The following TRIO variants were observed in gnomAD, a reference collection of about 807,000 sequenced individuals.
TRIO encodes the protein triple functional domain protein.
Under a neutral mutation model 351.9 loss-of-function variants are expected in TRIO, and 58 were observed. The ratio of observed to expected loss-of-function variants is 0.16; its 90% CI spans 0.13 to 0.21. The LOEUF (loss-of-function observed/expected upper bound fraction) is 0.21, where lower values mean the gene tolerates loss of function less well. TRIO is among the 10% of genes least tolerant of loss of function. The pLI, the probability that TRIO is intolerant of heterozygous loss-of-function variation, is 1.00. For synonymous variants in TRIO, 1,758 were observed against 1,595.7 expected, an observed-to-expected ratio of 1.10 and a Z score of -2.42; for missense variants, 3,201 against 4,027.8, an observed-to-expected ratio of 0.79 and a Z score of 5.56.
intron 1 of TRIO, among the ~76,000 whole-genome samples, chr5:14,145,612 T>A (rs1787468002): frequency 6.6e-6 from 1 of 152,074 alleles, no homozygotes; most frequent in South Asian, 2.1e-4. Context: ...TAGCTTTCTC[T>A]CTACCTACCT....
In TRIO at chr5:14,329,399, C is replaced by T. The variant is rs143360173; in HGVS notation, c.1732-1379C>T. 4.5e-3 allele frequency among the ~76,000 whole-genome samples: 688 copies of T among 152,320 alleles called. 8 individuals are homozygous for T. Among genetic ancestry groups the T allele is most frequent in the African/African-American group, 0.016 (662 of 41,568 alleles). ...TTCACCCTTGTGAATAGCATTAGTG[C>T]CCTTATAAAAGAGGCCTGAGAGAGC... On this transcript the variant is annotated intron_variant, in intron 9 of 56. Transcript: ENST00000344204.
At chr5:14,163,292 T>G (rs1300461080) in intron 1 of TRIO, among the ~76,000 whole-genome samples, 1 of 152,222 alleles carries the variant, frequency 6.6e-6, no homozygotes, top group Non-Finnish European at 1.5e-5. Context: ...GTTCCTGTGT[T>G]AGTTTGCCAA....
At chr5:14,481,091 C>T in intron 43 of TRIO, 143 bp from the exon 44 acceptor site, 1 of 837,266 alleles carries the variant, frequency 1.2e-6, no homozygotes, top group Non-Finnish European at 1.8e-6. Context: ...CTCAGGAGGC[C>T]AAAGCAAGAG....
chr5:14,450,196 C>T (rs1752753996), intron 34 of TRIO, among the ~76,000 whole-genome samples: 1 of 152,182 alleles, frequency 6.6e-6, no homozygotes, highest in African/African-American at 2.4e-5. Flanking sequence ...ACTCCTCACT[C>T]TTGAGTGGTG....
intron 16 of TRIO, 30 bp downstream of exon 16, chr5:14,367,009 G>A: frequency 6.2e-7 from 1 of 1,612,598 alleles, no homozygotes; most frequent in South Asian, 1.1e-5. Flanking sequence ...CTGTGTGTTG[G>A]CTCTTTCATT....
At chr5:14,393,628 T>C (rs1747306904) in intron 27 of TRIO, among the ~76,000 whole-genome samples, 1 of 152,214 alleles carries the variant, frequency 6.6e-6, no homozygotes, top group Non-Finnish European at 1.5e-5. Flanking sequence ...TCTTAGGTGC[T>C]AGTGTAAAGT....
intron 8 of TRIO, among the ~76,000 whole-genome samples, chr5:14,305,836 G>A (rs1263866429): frequency 1.3e-5 from 2 of 152,216 alleles, no homozygotes; most frequent in African/African-American, 2.4e-5. Flanking sequence ...CTGCAAATAA[G>A]ACAGTGGTCC....
At chr5:14,246,353 T>C (rs1474650290) in intron 1 of TRIO, among the ~76,000 whole-genome samples, 1 of 152,194 alleles carries the variant, frequency 6.6e-6, no homozygotes, top group African/African-American at 2.4e-5. Context: ...TTTGTGGAAC[T>C]TCGTTAATAT....
chr5:14,454,612 G>A (rs978637112), intron 34 of TRIO, among the ~76,000 whole-genome samples: 1 of 152,166 alleles, frequency 6.6e-6, no homozygotes, highest in African/African-American at 2.4e-5. Flanking sequence ...CATTTATTCA[G>A]TGTATACTCA....
At position 14,406,642 on chromosome 5, in the gene TRIO, G is replaced by T; in HGVS notation, c.4929G>T (p.Arg1643=). 1 of 1,614,018 alleles carries T rather than the reference G, an allele frequency of 6.2e-7. No homozygotes were observed. The highest frequency in any genetic ancestry group is 8.5e-7 in the Non-Finnish European group (1 of 1,179,944). ...CTGATACGATTTCCATCGCCTCACG[G>T]ACGTCTCAGAACACGCTGGACAGCG... The part of the protein sequence containing the change: ...SQPDTISIAS[R]TSQNTLDSDK... The change falls in exon 33 of 57, where the codon CGG becomes CGT. Residue 1643 remains arginine, a synonymous_variant. Coordinates refer to ENST00000344204, the MANE Select transcript of TRIO (RefSeq NM_007118.4).
intron 37 of TRIO, among the ~76,000 whole-genome samples, chr5:14,466,627 C>G (rs1335042410): frequency 6.6e-6 from 1 of 152,208 alleles, no homozygotes. Flanking sequence ...AAGACAACGT[C>G]TTTTAAAAGC....
chr5:14,293,239 G>A, intron 6 of TRIO, 105 bp downstream of exon 6: 2 of 1,493,270 alleles, frequency 1.3e-6, no homozygotes, highest in Non-Finnish European at 1.8e-6. Context: ...CTTCGGAGTG[G>A]CTGTTGATTG....
intron 27 of TRIO, among the ~76,000 whole-genome samples, chr5:14,391,722 A>G (rs1261139365): frequency 6.6e-6 from 1 of 152,222 alleles, no homozygotes; most frequent in Non-Finnish European, 1.5e-5. Flanking sequence ...GGTTGTGAGG[A>G]TGTTGGACTT....
intron 33 of TRIO, among the ~76,000 whole-genome samples, chr5:14,408,534 C>T (rs1748913708): frequency 1.3e-5 from 2 of 152,156 alleles, no homozygotes; most frequent in South Asian, 4.1e-4. Flanking sequence ...TGCCTGATAG[C>T]ATTTCTCTCC....
chr5:14,254,953 G>A (rs1234053818), intron 1 of TRIO, among the ~76,000 whole-genome samples: 2 of 152,130 alleles, frequency 1.3e-5, no homozygotes, highest in African/African-American at 4.8e-5. Context: ...AATAGAAAGG[G>A]AAACAATGGG....
intron 1 of TRIO, among the ~76,000 whole-genome samples, chr5:14,252,021 G>A (rs1362144307): frequency 1.1e-4 from 16 of 150,114 alleles, no homozygotes; most frequent in Admixed American, 9.3e-4. Context: ...TTAACCAGAT[G>A]CTGTAAAATA....
chr5:14,430,778 T>C (rs979191101), intron 34 of TRIO, among the ~76,000 whole-genome samples: 4 of 152,102 alleles, frequency 2.6e-5, no homozygotes, highest in Non-Finnish European at 5.9e-5. Flanking sequence ...TGCAGTGGCA[T>C]GATCCCGGCT....
chr5:14,381,481 C>T (rs576234213), intron 21 of TRIO, among the ~76,000 whole-genome samples: 1 of 152,260 alleles, frequency 6.6e-6, no homozygotes, highest in South Asian at 2.1e-4. Flanking sequence ...ACGGCCATCT[C>T]TCTCCTTTTC....
At chr5:14,460,693 A>G (rs1419239040) in intron 34 of TRIO, among the ~76,000 whole-genome samples, 1 of 152,210 alleles carries the variant, frequency 6.6e-6, no homozygotes, top group Non-Finnish European at 1.5e-5. Flanking sequence ...CCGCAGTACC[A>G]ATGTCCACAG....
Sources: allele counts gnomAD v4.1 joint callset (sites outside exome capture counted in the v4.1 genomes callset), GRCh38; gene constraint gnomAD v4.1.1; transcripts MANE v1.5; gene names NCBI Gene and HGNC (gene_info 2026-07-23, HGNC 2026-07-21).